Variants in NR6A1 observed in about 807,000 individuals in gnomAD.
NR6A1 encodes the protein nuclear receptor subfamily 6 group A member 1, also known as retinoic acid receptor-related testis-associated receptor.
NR6A1 carries 7 observed loss-of-function variants against 59.1 expected under a neutral mutation model. The ratio of observed to expected loss-of-function variants is 0.12; its 90% confidence interval spans 0.07 to 0.22. The LOEUF (loss-of-function observed/expected upper bound fraction) is 0.22, where lower values mean the gene tolerates loss of function less well. Ranked by LOEUF, NR6A1 falls within the 10% of genes least tolerant of loss-of-function variation. The probability of loss-of-function intolerance (pLI) is 1.00; values close to 1 mark genes in which losing one functional copy is unlikely to be tolerated. For synonymous variants in NR6A1, 243 were observed against 236.1 expected, an observed-to-expected ratio of 1.03 and a Z score of -0.27; for missense variants, 468 against 611.6, an observed-to-expected ratio of 0.77 and a Z score of 2.48.
intron 2 of NR6A1, among the ~76,000 whole-genome samples, chr9:124,621,935 C>T (rs73581863): frequency 0.018 from 2,767 of 152,108 alleles, 77 homozygotes; most frequent in African/African-American, 0.062. Flanking sequence ...AAATAACAGC[C>T]GAGCATGGTG....
At chr9:124,752,309 T>C (rs1468770039) in intron 1 of NR6A1, among the ~76,000 whole-genome samples, 1 of 152,016 alleles carries the variant, frequency 6.6e-6, no homozygotes, top group East Asian at 1.9e-4. Context: ...TGACAATAGG[T>C]TTTTTTCTTA....
At chr9:124,690,815 G>T (rs117185554) in intron 2 of NR6A1, among the ~76,000 whole-genome samples, 53 of 152,228 alleles carry the variant, frequency 3.5e-4, no homozygotes, top group South Asian at 2.7e-3. Context: ...AAACTTGCTT[G>T]ATGATAAAAA....
At chr9:124,589,060 C>A (rs1162974198) in intron 2 of NR6A1, among the ~76,000 whole-genome samples, 2 of 152,136 alleles carry the variant, frequency 1.3e-5, no homozygotes, top group Non-Finnish European at 2.9e-5. Flanking sequence ...CACATCATCA[C>A]CTCTCCCTCT....
At chr9:124,542,165 T>G (rs913845538) in intron 4 of NR6A1, among the ~76,000 whole-genome samples, 1 of 152,266 alleles carries the variant, frequency 6.6e-6, no homozygotes, top group Non-Finnish European at 1.5e-5. Context: ...GTAGATTTCA[T>G]GTTATATGGT....
chr9:124,745,248 T>C (rs1194996962), intron 1 of NR6A1, among the ~76,000 whole-genome samples: 5 of 137,020 alleles, frequency 3.6e-5, no homozygotes, highest in East Asian at 2.1e-4. Context: ...TTCCAATACA[T>C]ATATACATGA....
At chr9:124,725,012 T>G (rs1839668698) in intron 2 of NR6A1, among the ~76,000 whole-genome samples, 1 of 152,242 alleles carries the variant, frequency 6.6e-6, no homozygotes, top group African/African-American at 2.4e-5. Flanking sequence ...TTTCTCCTGT[T>G]TTAAGCAACA....
chr9:124,530,544 T>C (rs892410402), intron 7 of NR6A1, among the ~76,000 whole-genome samples: 1 of 152,152 alleles, frequency 6.6e-6, no homozygotes, highest in Non-Finnish European at 1.5e-5. Context: ...ACAAGCATGC[T>C]GGGACAAGGA....
At chr9:124,585,092 A>G (rs1834882026) in intron 2 of NR6A1, among the ~76,000 whole-genome samples, 1 of 152,208 alleles carries the variant, frequency 6.6e-6, no homozygotes, top group Non-Finnish European at 1.5e-5. Context: ...ACCAATCACA[A>G]CATTCTGTTA....
chr9:124,754,498 C>G (rs1323762530), intron 1 of NR6A1, among the ~76,000 whole-genome samples: 6 of 152,088 alleles, frequency 3.9e-5, no homozygotes, highest in Admixed American at 1.3e-4. Context: ...CTGGAGAGAG[C>G]TGAAGCAGAG....
intron 2 of NR6A1, among the ~76,000 whole-genome samples, chr9:124,713,180 C>T (rs1343119168): frequency 1.3e-5 from 2 of 152,054 alleles, no homozygotes; most frequent in African/African-American, 4.8e-5. Flanking sequence ...TCACATGGTA[C>T]TGATAAAATA....
chr9:124,757,054 G>C (rs1353445744), intron 1 of NR6A1, among the ~76,000 whole-genome samples: 1 of 151,944 alleles, frequency 6.6e-6, no homozygotes, highest in Non-Finnish European at 1.5e-5. Context: ...AAAAAGCAAA[G>C]AGCCTACCCA....
At chr9:124,612,793 T>TTTTCTTTC (rs72252917) in intron 2 of NR6A1, among the ~76,000 whole-genome samples, 3,074 of 145,560 alleles carry the variant, frequency 0.021, 73 homozygotes, top group East Asian at 0.12. Context: ...TCTTTCTTTC[T>TTTTCTTTC]TTTCTTTCTT....
In NR6A1 at chr9:124,520,115, T is replaced by TC. The variant is rs1421226759; in HGVS notation, c.*2589dup. 1 of 152,044 alleles carries TC rather than the reference T, an allele frequency of 6.6e-6. No homozygotes were observed. Among genetic ancestry groups the TC allele is most frequent in the African/African-American group, 2.4e-5 (1 of 41,358 alleles). 9.4% of individuals were successfully genotyped at this position (152,044 alleles called of 1,614,324 possible). On this transcript the variant is annotated 3_prime_UTR_variant, in exon 10 of 10. Transcript: ENST00000487099. Reference sequence around the variant, plus strand: ...ACCTCCCCTCCAACCTTTCTCCGTGTCCTTCAAACCAAATTCACAAATACA... The same window carrying TC: ...ACCTCCCCTCCAACCTTTCTCCGTGTCCCTTCAAACCAAATTCACAAATACA...
intron 2 of NR6A1, among the ~76,000 whole-genome samples, chr9:124,729,157 T>TA (rs1839814485): frequency 6.6e-6 from 1 of 152,176 alleles, no homozygotes; most frequent in Non-Finnish European, 1.5e-5. Context: ...AAAATAGAGA[T>TA]AAGTTGGGAA....
At chr9:124,617,277 T>G (rs780834353) in intron 2 of NR6A1, among the ~76,000 whole-genome samples, 2 of 152,098 alleles carry the variant, frequency 1.3e-5, no homozygotes, top group Non-Finnish European at 2.9e-5. Context: ...GATTCCCGGG[T>G]GGCCCTTATC....
chr9:124,598,647 T>TAAAAA (rs34357133), intron 2 of NR6A1: 33 of 161,058 alleles, frequency 2.0e-4, no homozygotes, highest in Middle Eastern at 2.7e-3. Context: ...AGAGTAAAAT[T>TAAAAA]AAAAAAAAAA....
At chr9:124,680,891 G>T (rs1210022745) in intron 2 of NR6A1, among the ~76,000 whole-genome samples, 1 of 152,154 alleles carries the variant, frequency 6.6e-6, no homozygotes, top group East Asian at 1.9e-4. Flanking sequence ...GTCAATGCTG[G>T]GTTAAACTGC....
chr9:124,522,944 G>T, intron 9 of NR6A1, 151 bp from the exon 10 acceptor site: 1 of 607,412 alleles, frequency 1.6e-6, no homozygotes. Context: ...TGGACACACT[G>T]GGCTAACATC....
At chr9:124,540,678 A>G (rs1833416079) in intron 4 of NR6A1, among the ~76,000 whole-genome samples, 1 of 152,126 alleles carries the variant, frequency 6.6e-6, no homozygotes, top group African/African-American at 2.4e-5. Context: ...GCATGCCTGT[A>G]GTCCTACCTA....
Sources: gnomAD v4.1 joint callset for allele counts (sites outside exome capture counted in the v4.1 genomes callset) on GRCh38, gnomAD v4.1.1 for gene constraint, MANE v1.5 for transcripts, NCBI Gene and HGNC (gene_info 2026-07-23, HGNC 2026-07-21) for gene names.